ATXN7: variants seen among roughly 807,000 people sequenced by gnomAD.
ATXN7 encodes ataxin 7, also known as ataxin-7.
A neutral mutation model predicts 70.5 loss-of-function variants in ATXN7; 12 were observed. That is an observed-to-expected ratio of 0.17 (90% CI 0.11 to 0.28). The LOEUF is 0.28. Among genes scored for constraint, ATXN7 ranks in the 10% least tolerant of loss-of-function variants. The pLI is 1.00. For missense variants in ATXN7, 1,256 were observed against 1,131.7 expected (o/e 1.11, Z -1.58); for synonymous variants, 498 against 448.7 (o/e 1.11, Z -1.39).
At chr3:63,863,599 G>A (rs1299457276), upstream of ATXN7, 6 of 1,196,772 alleles carry the variant, frequency 5.0e-6, no homozygotes, top group East Asian at 1.1e-4. Flanking sequence ...AGGACTCAGG[G>A]AAGCAGCCGG....
In ATXN7 at chr3:63,925,107, T is replaced by C. The variant is rs147893417; in HGVS notation, c.394+11882T>C. Among the ~76,000 whole-genome samples the C allele has an allele frequency of 9.5e-3, 1,450 of 152,262 alleles. 16 individuals are homozygous for C. The highest frequency in any genetic ancestry group is 0.031 in the Middle Eastern group (9 of 294). Reference sequence around the variant, plus strand: ...CTCATGAGAGGAAAAGCATATGGATTCAGTTGCAGGTAGGGATGTAGAATT... The same window carrying C: ...CTCATGAGAGGAAAAGCATATGGATCCAGTTGCAGGTAGGGATGTAGAATT... On this transcript the variant is annotated intron_variant, in intron 4 of 12. Coordinates refer to ENST00000674280, the MANE Select transcript of ATXN7 (RefSeq NM_001377405.1).
At chr3:63,974,829 G>A (rs955424816) in intron 5 of ATXN7, among the ~76,000 whole-genome samples, 3 of 152,174 alleles carry the variant, frequency 2.0e-5, no homozygotes, top group Admixed American at 6.5e-5. Context: ...AAAGAGCCCT[G>A]AATAAAGGGT....
intron 1 of ATXN7, among the ~76,000 whole-genome samples, chr3:63,888,295 A>T (rs972468542): frequency 6.6e-6 from 1 of 152,198 alleles, no homozygotes; most frequent in African/African-American, 2.4e-5. Context: ...AGGAATTTGC[A>T]AAGATGGTCC....
intron 5 of ATXN7, among the ~76,000 whole-genome samples, chr3:63,968,854 T>G (rs1021616774): frequency 6.6e-6 from 1 of 152,324 alleles, no homozygotes; most frequent in South Asian, 2.1e-4. Context: ...ATTTCATGCC[T>G]TGTGTAATAA....
intron 4 of ATXN7, among the ~76,000 whole-genome samples, chr3:63,937,301 G>A (rs950609301): frequency 3.0e-4 from 46 of 152,172 alleles, no homozygotes; most frequent in African/African-American, 9.2e-4. Context: ...ATTTATTAGC[G>A]CATAAAGTTC....
intron 2 of ATXN7, among the ~76,000 whole-genome samples, chr3:63,899,697 T>C (rs1703560105): frequency 6.6e-6 from 1 of 151,990 alleles, no homozygotes; most frequent in Non-Finnish European, 1.5e-5. Flanking sequence ...CACTGCAAGC[T>C]CCGCCTCCTG....
intron 1 of ATXN7, among the ~76,000 whole-genome samples, chr3:63,895,680 G>A (rs1380759468): frequency 6.6e-6 from 1 of 151,970 alleles, no homozygotes; most frequent in African/African-American, 2.4e-5. Flanking sequence ...ACACTCCCAG[G>A]CAGAGATTCT....
At chr3:63,909,257 A>G in intron 2 of ATXN7, among the ~76,000 whole-genome samples, 1 of 152,354 alleles carries the variant, frequency 6.6e-6, no homozygotes, top group East Asian at 1.9e-4. Flanking sequence ...TATTAAAATA[A>G]CATATTAAGT....
intron 12 of ATXN7, among the ~76,000 whole-genome samples, chr3:63,997,351 C>G (rs1402775485): frequency 1.3e-5 from 2 of 152,162 alleles, no homozygotes; most frequent in Non-Finnish European, 1.5e-5. Flanking sequence ...TTGAGGGAGG[C>G]AGGAAAACAG....
rs1223051969 is a variant in ATXN7 at position 63,995,738 on chromosome 3, G to A, written c.1916G>A (p.Cys639Tyr). The A allele has an allele frequency of 1.2e-6, 2 of 1,614,088 alleles. No homozygotes were observed. The highest frequency in any genetic ancestry group is 1.3e-5 in the African/African-American group (1 of 74,918). ...GCTTCAGGGGCGATGGATCCTGTGT[G>A]CAGTATGCAATCCAGACAAGTGTCC... ...PAASGAMDPVCSMQSRQVSSS... is the reference protein window; with the variant it reads ...PAASGAMDPVYSMQSRQVSSS... The change falls in exon 12 of 13, where the codon TGC becomes TAC. Residue 639 changes from cysteine (C) to tyrosine (Y), a missense_variant. Coordinates refer to ENST00000674280, the MANE Select transcript of ATXN7 (RefSeq NM_001377405.1).
At chr3:63,878,992 C>G (rs978422115) in intron 1 of ATXN7, among the ~76,000 whole-genome samples, 3 of 152,216 alleles carry the variant, frequency 2.0e-5, no homozygotes, top group Non-Finnish European at 4.4e-5. Context: ...AGGTCAGCCT[C>G]TTGGGACTCA....
chr3:63,924,534 A>G (rs760733248), intron 4 of ATXN7, among the ~76,000 whole-genome samples: 23 of 152,168 alleles, frequency 1.5e-4, no homozygotes, highest in Non-Finnish European at 2.8e-4. Flanking sequence ...AGGACTCTTC[A>G]GTGAGGCAGT....
At position 63,935,324 on chromosome 3, in the gene ATXN7, A is replaced by G. The variant is rs563820503; in HGVS notation, c.395-17055A>G. Among the ~76,000 whole-genome samples the G allele has an allele frequency of 5.6e-4, 85 of 152,274 alleles. 1 individual carries two copies. The highest frequency in any genetic ancestry group is 1.9e-3 in the African/African-American group (77 of 41,548). ...TCACTGGTATTGCACAGTGGCACCTATGAAGTTCCAGAGTAGCCCTTGCTC... is the reference window on the plus strand; with the variant it reads ...TCACTGGTATTGCACAGTGGCACCTGTGAAGTTCCAGAGTAGCCCTTGCTC... On this transcript the variant is annotated intron_variant, in intron 4 of 12. Coordinates refer to ENST00000674280, the MANE Select transcript of ATXN7 (RefSeq NM_001377405.1).
At position 63,874,363 on chromosome 3, in the gene ATXN7, A is replaced by G. The variant is rs1005399748; in HGVS notation, c.-111+10205A>G. On this transcript the variant is annotated intron_variant, in intron 1 of 12. Transcript: ENST00000674280. ...ACTTTGCTAATACTTTAAAATACGC[A>G]TGTTAGACTTTATAAAAGCTTATAG... is the stretch of plus-strand genomic sequence containing the variant. 2.6e-5 allele frequency among the ~76,000 whole-genome samples: 4 copies of G among 152,330 alleles called. No individual in the cohort carries two copies. In the East Asian group the frequency reaches 5.8e-4, roughly 22 times the overall value.
At chr3:63,955,826 T>G (rs988697423) in intron 5 of ATXN7, among the ~76,000 whole-genome samples, 4 of 152,220 alleles carry the variant, frequency 2.6e-5, no homozygotes, top group Non-Finnish European at 4.4e-5. Flanking sequence ...TATGAACAAA[T>G]GAATAGTTCC....
rs1559612645 is a variant in ATXN7, at chr3:63,863,938, GC to G, written c.-329del. ...CGCGGCCGCCTGCTCCGACGCCTGAGCCGCGCCGCGCCGCGCCGCCGCCGCC... is the reference window on the plus strand; with the variant it reads ...CGCGGCCGCCTGCTCCGACGCCTGAGCGCGCCGCGCCGCGCCGCCGCCGCC... On this transcript the variant is annotated 5_prime_UTR_variant, in exon 1 of 13. It introduces an in-frame stop codon into an upstream open reading frame of the 5' UTR. Coordinates refer to ENST00000674280, the MANE Select transcript of ATXN7 (RefSeq NM_001377405.1). 3 of 149,692 alleles carry G rather than the reference GC, an allele frequency of 2.0e-5. No individual in the cohort carries two copies. Among genetic ancestry groups the G allele is most frequent in the Admixed American group, 8.1e-5 (1 of 12,316 alleles). The allele number at this position is 149,692 out of a possible 1,614,324, so 9.3% of individuals were successfully genotyped here.
intron 7 of ATXN7, among the ~76,000 whole-genome samples, chr3:63,982,712 TAAAC>T (rs768245548): frequency 3.9e-4 from 59 of 151,600 alleles, no homozygotes; most frequent in Non-Finnish European, 6.6e-4. Flanking sequence ...AATACAGACT[TAAAC>T]AATATCTTTT....
intron 1 of ATXN7, among the ~76,000 whole-genome samples, chr3:63,872,542 G>C (rs115282724): frequency 0.012 from 1,801 of 152,232 alleles, 40 homozygotes; most frequent in African/African-American, 0.038. Flanking sequence ...GTTTCTGGAG[G>C]CTTAAGCTTA....
chr3:63,863,964 CGCCGCCGCCGCCGCG>C lies in ATXN7; in HGVS notation c.-303_-289del, dbSNP rs1342040621. ...CCGCGCCGCGCCGCGCCGCCGCCGC[CGCCGCCGCCGCCGCG>C]GGACCCGCGCTCCCCGCGCTCCCGG... is the stretch of plus-strand genomic sequence containing the variant. On this transcript the variant is annotated 5_prime_UTR_variant, in exon 1 of 13. Transcript: ENST00000674280. The C allele has an allele frequency of 2.2e-5, 2 of 91,422 alleles. No individual in the cohort carries two copies. Among genetic ancestry groups the C allele is most frequent in the Non-Finnish European group, 4.8e-5 (2 of 41,932 alleles). The allele number at this position is 91,422 out of a possible 1,614,324, so 5.7% of individuals were successfully genotyped here. A position where few individuals can be genotyped will look rare whatever the true frequency, so the allele number is the denominator to read the frequency against.
Sources: gnomAD v4.1 joint callset for allele counts (sites outside exome capture counted in the v4.1 genomes callset) on GRCh38, gnomAD v4.1.1 for gene constraint, MANE v1.5 for transcripts, NCBI Gene and HGNC (gene_info 2026-07-23, HGNC 2026-07-21) for gene names.